The following COMMD7 variants were observed in gnomAD, a reference collection of about 807,000 sequenced individuals.
COMMD7 encodes the protein COMM domain-containing protein 7.
COMMD7 carries 28 observed loss-of-function variants against 34.8 expected under a neutral mutation model. The ratio of observed to expected loss-of-function variants is 0.80; its 90% CI spans 0.60 to 1.10. The LOEUF is 1.10. Ranked by LOEUF, COMMD7 falls within the 50% of genes least tolerant of loss-of-function variation. The pLI is 0.00. For missense variants in COMMD7, 211 were observed against 241.6 expected (o/e 0.87, Z 0.84); for synonymous variants, 80 against 86.4 (o/e 0.93, Z 0.41).
At chr20:32,722,732 A>G (rs1265078143) in intron 3 of COMMD7, among the ~76,000 whole-genome samples, 2 of 150,542 alleles carry the variant, frequency 1.3e-5, no homozygotes, top group Non-Finnish European at 3.0e-5. Flanking sequence ...AAAAAAAAAA[A>G]AAGACTTGGC....
rs373396272 is a variant in COMMD7, at chr20:32,711,151, C to G, written c.242-4391G>C. 6.6e-5 allele frequency among the ~76,000 whole-genome samples: 10 copies of G among 152,092 alleles called. No individual in the cohort carries two copies. The East Asian group carries it at 1.2e-3, about 18-fold the overall frequency. On this transcript the variant is annotated intron_variant, in intron 3 of 8. Transcript: ENST00000278980. ...GTGGCTCACGCCCATAATCCCAGCA[C>G]TTTGGGAGGCTGAGGCGGGTGGATC...
chr20:32,711,781 A>G (rs1408837715), intron 3 of COMMD7, among the ~76,000 whole-genome samples: 1 of 143,738 alleles, frequency 7.0e-6, no homozygotes, highest in East Asian at 2.2e-4. Context: ...ACAGACCTGC[A>G]ACATTTGACC....
chr20:32,736,001 G>A (rs1324404464), intron 1 of COMMD7, among the ~76,000 whole-genome samples: 1 of 152,074 alleles, frequency 6.6e-6, no homozygotes, highest in African/African-American at 2.4e-5. Context: ...GACTGGCCAC[G>A]GGCATCAAAG....
intron 1 of COMMD7, 120 bp from the exon 2 acceptor site, chr20:32,728,262 T>A: frequency 3.5e-6 from 3 of 846,952 alleles, no homozygotes; most frequent in Non-Finnish European, 5.8e-6. Context: ...GTTATGCCTG[T>A]TCTGATCATC....
At chr20:32,729,998 T>C (rs753284545) in intron 1 of COMMD7, among the ~76,000 whole-genome samples, 1 of 151,310 alleles carries the variant, frequency 6.6e-6, no homozygotes, top group Non-Finnish European at 1.5e-5. Flanking sequence ...GGACGACAGA[T>C]TGAGACTCTG....
At chr20:32,712,408 T>C (rs1700067134) in intron 3 of COMMD7, among the ~76,000 whole-genome samples, 1 of 151,376 alleles carries the variant, frequency 6.6e-6, no homozygotes, top group Admixed American at 6.6e-5. Flanking sequence ...CTTAGGAGGC[T>C]GAGGCAGGAG....
At position 32,705,348 on chromosome 20, in the gene COMMD7, A is replaced by G. The variant is rs181476646; in HGVS notation, c.337-444T>C. On this transcript the variant is annotated intron_variant, in intron 5 of 8. Transcript: ENST00000278980. ...TACATACATATATATGTATATATAT[A>G]TGTGTGTGTGTATATATATATATAT... is the stretch of plus-strand genomic sequence containing the variant. Among the ~76,000 whole-genome samples, 255 of 143,618 alleles carry G rather than the reference A, an allele frequency of 1.8e-3. 4 individuals are homozygous for G. In the East Asian group the frequency reaches 0.038, roughly 21 times the overall value. 94.2% of individuals were successfully genotyped at this position (143,618 alleles called of 152,430 possible).
chr20:32,730,558 A>AAAC (rs34678832), intron 1 of COMMD7, among the ~76,000 whole-genome samples: 99,019 of 149,546 alleles, frequency 0.66, 33,729 homozygotes, highest in Middle Eastern at 0.81. Context: ...CCGTTTCAAA[A>AAAC]AACAACAACA....
chr20:32,703,816 C>T (rs952087284), intron 8 of COMMD7: 3 of 1,532,648 alleles, frequency 2.0e-6, no homozygotes, highest in African/African-American at 2.8e-5. Flanking sequence ...TTCAAAACGG[C>T]TCTTCAACTG....
In COMMD7 at chr20:32,727,458, C is replaced by A. The variant is rs375343513; in HGVS notation, c.241+435G>T. Among the ~76,000 whole-genome samples, 105 of 149,616 alleles carry A rather than the reference C, an allele frequency of 7.0e-4. 1 individual carries two copies. The highest frequency in any genetic ancestry group is 2.4e-3 in the African/African-American group (99 of 40,482). ...AAGCTGAGTAGGAGAATCACTTGAA[C>A]TCGGATGGCAGAGGTTACAGTGAGC... On this transcript the variant is annotated intron_variant, in intron 3 of 8. Transcript: ENST00000278980.
chr20:32,727,534 C>CAA (rs11480967), intron 3 of COMMD7, among the ~76,000 whole-genome samples: 1,035 of 83,904 alleles, frequency 0.012, 21 homozygotes, highest in African/African-American at 0.037. Context: ...GATTCTGTCT[C>CAA]AAAAAAAAAA....
intron 3 of COMMD7, among the ~76,000 whole-genome samples, chr20:32,719,954 T>C (rs1254547526): frequency 6.6e-6 from 1 of 151,898 alleles, no homozygotes; most frequent in East Asian, 1.9e-4. Flanking sequence ...AAAACAAAGG[T>C]TACAGTTGAG....
At chr20:32,729,981 C>G (rs1393362410) in intron 1 of COMMD7, among the ~76,000 whole-genome samples, 1 of 152,050 alleles carries the variant, frequency 6.6e-6, no homozygotes, top group Non-Finnish European at 1.5e-5. Flanking sequence ...CCACTGTACA[C>G]CAGCCTGGAC....
intron 3 of COMMD7, among the ~76,000 whole-genome samples, chr20:32,719,080 C>T (rs1041369804): frequency 6.6e-6 from 1 of 152,164 alleles, no homozygotes; most frequent in African/African-American, 2.4e-5. Context: ...CTGATGAGGG[C>T]CTGGAGGCTC....
At chr20:32,715,784 G>A (rs1006223439) in intron 3 of COMMD7, among the ~76,000 whole-genome samples, 2 of 152,018 alleles carry the variant, frequency 1.3e-5, no homozygotes, top group African/African-American at 4.8e-5. Context: ...TCCAACCTGG[G>A]TGACAGAGCG....
Position 32,703,019 on chromosome 20 carries a change from G to A in COMMD7, c.*363C>T, listed in dbSNP as rs1983846101. The A allele has an allele frequency of 5.3e-6, 1 of 187,876 alleles. No homozygotes were observed. The highest frequency in any genetic ancestry group is 1.1e-5 in the Non-Finnish European group (1 of 90,674). The allele number at this position is 187,876 out of a possible 1,614,324, so 11.6% of individuals were successfully genotyped here. A position where few individuals can be genotyped will look rare whatever the true frequency, so the allele number is the denominator to read the frequency against. The stretch of plus-strand genomic sequence containing the variant: ...CAAGCTCTTGCTTTTTGGGAGGAGG[G>A]TGATCAGCATGTTATCTTGAATGAT... On this transcript the variant is annotated 3_prime_UTR_variant, in exon 9 of 9. Transcript: ENST00000278980.
rs754473770 is a variant in COMMD7, at chr20:32,704,406, T to C, written c.477+34A>G. ...ATATAATTTTTAACCAAGTCAAAAA[T>C]CTACCCATTTTCAAGGATCAGGAGA... On this transcript the variant is annotated intron_variant, in intron 7 of 8. Coordinates refer to ENST00000278980, the MANE Select transcript of COMMD7 (RefSeq NM_053041.3). The C allele has an allele frequency of 2.5e-6, 4 of 1,578,894 alleles. No homozygotes were observed. In the Admixed American group the frequency reaches 7.7e-5, roughly 31 times the overall value.
At chr20:32,735,545 G>A (rs1201219158) in intron 1 of COMMD7, among the ~76,000 whole-genome samples, 1 of 152,116 alleles carries the variant, frequency 6.6e-6, no homozygotes, top group Non-Finnish European at 1.5e-5. Flanking sequence ...TTAGACTGCT[G>A]GCCTGAAGTG....
rs751312122 is a variant in COMMD7 at position 32,703,808 on chromosome 20, C to G, written c.526+215G>C. On this transcript the variant is annotated intron_variant, in intron 8 of 8. Transcript: ENST00000278980. ...TTCCGTTCCCACCCTTTCCCTTTTT[C>G]AAAACGGCTCTTCAACTGTGGGGGC... 40 of 1,525,586 alleles carry G rather than the reference C, an allele frequency of 2.6e-5. No individual in the cohort carries two copies. The South Asian group carries it at 4.9e-4, about 19-fold the overall frequency. 94.5% of individuals were successfully genotyped at this position (1,525,586 alleles called of 1,614,324 possible). A position where few individuals can be genotyped will look rare whatever the true frequency, so the allele number is the denominator to read the frequency against.
Sources: gnomAD v4.1 joint callset for allele counts (sites outside exome capture counted in the v4.1 genomes callset) on GRCh38, gnomAD v4.1.1 for gene constraint, MANE v1.5 for transcripts, NCBI Gene and HGNC (gene_info 2026-07-23, HGNC 2026-07-21) for gene names.